Variants in NUFIP2 observed in about 807,000 individuals in gnomAD.
NUFIP2 encodes the protein nuclear FMR1 interacting protein 2.
NUFIP2 carries 6 observed loss-of-function variants against 56.9 expected under a neutral mutation model. The observed-to-expected ratio is 0.11, with a 90% CI of 0.06 to 0.21. The LOEUF is 0.21. Among genes scored for constraint, NUFIP2 ranks in the 10% least tolerant of loss-of-function variants. The probability of loss-of-function intolerance (pLI) is 1.00; values close to 1 mark genes in which losing one functional copy is unlikely to be tolerated. For missense variants in NUFIP2, 828 were observed against 826.8 expected, an observed-to-expected ratio of 1.00 and a Z score of -0.02; for synonymous variants, 321 against 298.2, an observed-to-expected ratio of 1.08 and a Z score of -0.79.
chr17:29,267,494 T>C lies in NUFIP2; in HGVS notation c.2035+4A>G, dbSNP rs368985495. The C allele has an allele frequency of 3.0e-4, 457 of 1,501,698 alleles. 1 individual carries two copies. Among genetic ancestry groups the C allele is most frequent in the Admixed American group, 4.5e-4 (25 of 55,580 alleles). 93.0% of individuals were successfully genotyped at this position (1,501,698 alleles called of 1,614,324 possible). A position where few individuals can be genotyped will look rare whatever the true frequency, so the allele number is the denominator to read the frequency against. ...GACATTTTAAGTAATCTAATCATTCTTACCTTGCTTCTGCAAATTCCAAAT... is the reference window on the plus strand; with the variant it reads ...GACATTTTAAGTAATCTAATCATTCCTACCTTGCTTCTGCAAATTCCAAAT... On this transcript the variant is annotated splice_donor_region_variant and intron_variant, in intron 3 of 3. Coordinates refer to ENST00000225388, the MANE Select transcript of NUFIP2 (RefSeq NM_020772.3).
At chr17:29,271,420 C>T (rs1335556496) in intron 2 of NUFIP2, among the ~76,000 whole-genome samples, 1 of 151,918 alleles carries the variant, frequency 6.6e-6, no homozygotes, top group Non-Finnish European at 1.5e-5. Flanking sequence ...GCCTGTAATC[C>T]CAGCTACTGA....
chr17:29,287,826 T>C, intron 1 of NUFIP2, 110 bp from the exon 2 acceptor site: 1 of 1,045,834 alleles, frequency 9.6e-7, no homozygotes. Context: ...TGCTATGAGC[T>C]GTAGCTTTAT....
At chr17:29,267,237 A>G (rs2069043305) in intron 3 of NUFIP2, among the ~76,000 whole-genome samples, 1 of 150,494 alleles carries the variant, frequency 6.6e-6, no homozygotes, top group African/African-American at 2.4e-5. Flanking sequence ...TTTAAAAAAT[A>G]GAGACGGGGT....
Position 29,286,434 on chromosome 17 carries a change from C to CCT in NUFIP2, c.1559_1560insAG (p.Thr521GlyfsTer12). ...GCTCTGATGACTTCCCAGTAACAGT[C>CCT]TCAGGGCCAGCACTGGGCTCATTTA... On this transcript the variant is annotated frameshift_variant, in exon 2 of 4. Transcript: ENST00000225388. LOFTEE classifies it high-confidence loss of function. 6.2e-7 allele frequency: 1 copy of CCT among 1,614,196 alleles called. No homozygotes were observed. Among genetic ancestry groups the CCT allele is most frequent in the Non-Finnish European group, 8.5e-7 (1 of 1,180,020 alleles).
rs1228713551 is a variant in NUFIP2, at chr17:29,258,655, TAA to T, written c.*5882_*5883del. Reference sequence around the variant, plus strand: ...ACTATTAACAGAATTCTTATATTCCTAAGTTATTGTCCTTCATAGGACAATAT... The same window carrying T: ...ACTATTAACAGAATTCTTATATTCCTGTTATTGTCCTTCATAGGACAATAT... On this transcript the variant is annotated 3_prime_UTR_variant, in exon 4 of 4. Transcript: ENST00000225388. The T allele has an allele frequency of 6.6e-6, 1 of 152,210 alleles. No individual in the cohort carries two copies. Among genetic ancestry groups the T allele is most frequent in the African/African-American group, 2.4e-5 (1 of 41,456 alleles). The allele number at this position is 152,210 out of a possible 1,614,324, so 9.4% of individuals were successfully genotyped here. A position where few individuals can be genotyped will look rare whatever the true frequency, so the allele number is the denominator to read the frequency against.
chr17:29,291,300 A>C (rs1278122179), intron 1 of NUFIP2, among the ~76,000 whole-genome samples: 1 of 152,190 alleles, frequency 6.6e-6, no homozygotes, highest in Non-Finnish European at 1.5e-5. Context: ...AATTAGAAAC[A>C]AATTACTCAA....
In NUFIP2 at chr17:29,264,537, C is replaced by T; in HGVS notation, c.*2G>A. 6.2e-7 allele frequency: 1 copy of T among 1,604,704 alleles called. No homozygotes were observed. On this transcript the variant is annotated 3_prime_UTR_variant, in exon 4 of 4. Coordinates refer to ENST00000225388, the MANE Select transcript of NUFIP2 (RefSeq NM_020772.3). ...AAGGTTACGAATAGGCAGTCTGGTC[C>T]TTCATTGATCTGGACTATCCATGGC...
chr17:29,293,732 T>G, intron 1 of NUFIP2, 51 bp downstream of exon 1: 18 of 1,101,800 alleles, frequency 1.6e-5, no homozygotes, highest in Non-Finnish European at 2.3e-5. Flanking sequence ...CCCCCATCTC[T>G]CCTGTCCTCC....
At chr17:29,266,374 C>G (rs1434661864) in intron 3 of NUFIP2, among the ~76,000 whole-genome samples, 1 of 152,032 alleles carries the variant, frequency 6.6e-6, no homozygotes. Flanking sequence ...AAGCTACATT[C>G]TAGTCCTGCC....
Position 29,287,236 on chromosome 17 carries a change from G to A in NUFIP2, c.758C>T (p.Thr253Ile). The A allele has an allele frequency of 6.2e-7, 1 of 1,614,072 alleles. No individual in the cohort carries two copies. Among genetic ancestry groups the A allele is most frequent in the South Asian group, 1.1e-5 (1 of 91,078 alleles). Residue 253 changes from threonine to isoleucine, a missense_variant, in exon 2 of 4, where the codon ACC becomes ATC. By Grantham distance (89) the Thr-to-Ile change is moderately conservative. This residue lies in a region of NUFIP2 where 415 missense variants were observed against 408.7 expected (regional missense o/e 1.02). Transcript: ENST00000225388. Reference sequence around the variant, plus strand: ...GAAAGTTTCAAGTCCCTGTTTTAAGGTTGGGACACTGGTCTCTTGTTGCAT... The same window carrying A: ...GAAAGTTTCAAGTCCCTGTTTTAAGATTGGGACACTGGTCTCTTGTTGCAT... The part of the protein sequence containing the change: ...KIMQQETSVP[T>I]LKQGLETFKP...
intron 2 of NUFIP2, among the ~76,000 whole-genome samples, chr17:29,273,059 GGAGA>G: frequency 6.8e-6 from 1 of 147,534 alleles, no homozygotes; most frequent in Admixed American, 6.8e-5. Flanking sequence ...TATATATATA[GGAGA>G]CAGAGTCTCA....
chr17:29,264,940 T>C (rs2069025632), intron 3 of NUFIP2, among the ~76,000 whole-genome samples: 1 of 152,242 alleles, frequency 6.6e-6, no homozygotes, highest in Non-Finnish European at 1.5e-5. Context: ...TTGTCACCAA[T>C]AATCCAATAT....
intron 1 of NUFIP2, among the ~76,000 whole-genome samples, chr17:29,290,447 G>C (rs962151697): frequency 7.3e-5 from 11 of 151,518 alleles, no homozygotes; most frequent in Admixed American, 5.3e-4. Context: ...TTGAGGTCAG[G>C]AGTTTGAGAC....
At position 29,260,649 on chromosome 17, in the gene NUFIP2, C is replaced by T. The variant is rs905276994; in HGVS notation, c.*3890G>A. On this transcript the variant is annotated 3_prime_UTR_variant, in exon 4 of 4. Coordinates refer to ENST00000225388, the MANE Select transcript of NUFIP2 (RefSeq NM_020772.3). ...TGATGTGGGGAAGCAACAAGCCTAA[C>T]AACCAAGTATGATATTATCACTATG... The T allele has an allele frequency of 6.6e-6, 1 of 152,146 alleles. No individual in the cohort carries two copies. Among genetic ancestry groups the T allele is most frequent in the Non-Finnish European group, 1.5e-5 (1 of 68,016 alleles). 9.4% of individuals were successfully genotyped at this position (152,146 alleles called of 1,614,324 possible).
At chr17:29,283,840 A>G (rs936683058) in intron 2 of NUFIP2, among the ~76,000 whole-genome samples, 1 of 152,194 alleles carries the variant, frequency 6.6e-6, no homozygotes, top group African/African-American at 2.4e-5. Context: ...TCCTGTATTT[A>G]CCTTCAAAGA....
At chr17:29,284,721 AAAAAAAG>A (rs1224681909) in intron 2 of NUFIP2, among the ~76,000 whole-genome samples, 4 of 150,766 alleles carry the variant, frequency 2.7e-5, no homozygotes, top group African/African-American at 7.3e-5. Flanking sequence ...AAAAAAAAAA[AAAAAAAG>A]AAAAAAAAGA....
intron 3 of NUFIP2, among the ~76,000 whole-genome samples, chr17:29,266,681 C>T (rs2069038963): frequency 6.6e-6 from 1 of 151,744 alleles, no homozygotes; most frequent in South Asian, 2.1e-4. Context: ...AAAGACCAGC[C>T]AAAAGTGGAA....
chr17:29,260,355 GCA>G lies in NUFIP2; in HGVS notation c.*4182_*4183del, dbSNP rs1598427742. 1 of 152,188 alleles carries G rather than the reference GCA, an allele frequency of 6.6e-6. No homozygotes were observed. Among genetic ancestry groups the G allele is most frequent in the East Asian group, 1.9e-4 (1 of 5,202 alleles). 9.4% of individuals were successfully genotyped at this position (152,188 alleles called of 1,614,324 possible). On this transcript the variant is annotated 3_prime_UTR_variant, in exon 4 of 4. Coordinates refer to ENST00000225388, the MANE Select transcript of NUFIP2 (RefSeq NM_020772.3). ...ATTTGTCCCATAACATAACTGTTCT[GCA>G]CAGTTAACATATTTATACAAGAGGG...
At position 29,287,393 on chromosome 17, in the gene NUFIP2, C is replaced by G; in HGVS notation, c.601G>C (p.Gly201Arg). The change falls in exon 2 of 4, where the codon GGT becomes CGT. Residue 201 changes from glycine (G) to arginine (R), a missense_variant. By Grantham distance (125) the Gly-to-Arg change is moderately radical (BLOSUM62 -2). This residue lies in a region of NUFIP2 where 415 missense variants were observed against 408.7 expected (regional missense o/e 1.02). Coordinates refer to ENST00000225388, the MANE Select transcript of NUFIP2 (RefSeq NM_020772.3). ...TTATCTGCTCCTTTACCCATATAAC[C>G]ATTAGTAATATAACCAGAATTATTT... ...VTNNSGYITN[G>R]YMGKGADNDG... The G allele has an allele frequency of 1.2e-6, 2 of 1,613,668 alleles. No individual in the cohort carries two copies. The highest frequency in any genetic ancestry group is 1.7e-6 in the Non-Finnish European group (2 of 1,179,634).
Sources: allele counts gnomAD v4.1 joint callset (sites outside exome capture counted in the v4.1 genomes callset), GRCh38; gene constraint gnomAD v4.1.1; regional missense constraint gnomAD v4.1.1; transcripts MANE v1.5; gene names NCBI Gene and HGNC (gene_info 2026-07-23, HGNC 2026-07-21).